FBLN5: variants seen among roughly 807,000 people sequenced by gnomAD.
FBLN5 encodes fibulin 5.
In FBLN5, 24 loss-of-function variants were observed where a neutral mutation model predicts 61.6. The ratio of observed to expected loss-of-function variants is 0.39; its 90% CI spans 0.28 to 0.55. The LOEUF (loss-of-function observed/expected upper bound fraction) is 0.55, where lower values mean the gene tolerates loss of function less well. Among genes scored for constraint, FBLN5 ranks in the 20% least tolerant of loss-of-function variants. The pLI is 0.65. For missense variants in FBLN5, 470 were observed against 594.1 expected, an observed-to-expected ratio of 0.79 and a Z score of 2.17; for synonymous variants, 213 against 219.8, an observed-to-expected ratio of 0.97 and a Z score of 0.27.
At chr14:91,900,116 C>A (rs1890392595) in intron 4 of FBLN5, among the ~76,000 whole-genome samples, 1 of 152,192 alleles carries the variant, frequency 6.6e-6, no homozygotes, top group Non-Finnish European at 1.5e-5. Flanking sequence ...GATTTATGCC[C>A]ATTTTATGTC....
chr14:91,873,603 G>C (rs1889036710), intron 10 of FBLN5: 1 of 152,370 alleles, frequency 6.6e-6, no homozygotes, highest in Non-Finnish European at 1.5e-5. Context: ...CCAGGGCAGA[G>C]ACCACATCCT....
intron 4 of FBLN5, among the ~76,000 whole-genome samples, chr14:91,921,903 A>C (rs2055742081): frequency 6.6e-6 from 1 of 152,232 alleles, no homozygotes; most frequent in Admixed American, 6.5e-5. Flanking sequence ...ACGTCGTGGG[A>C]TGGCCTAAAA....
chr14:91,931,366 G>A (rs1390958872), intron 4 of FBLN5, among the ~76,000 whole-genome samples: 9 of 152,154 alleles, frequency 5.9e-5, no homozygotes. Flanking sequence ...CCCCCTCGGT[G>A]CCTAGGCCAG....
chr14:91,910,363 G>A (rs111537199), intron 4 of FBLN5, among the ~76,000 whole-genome samples: 5 of 152,258 alleles, frequency 3.3e-5, no homozygotes, highest in African/African-American at 9.6e-5. Flanking sequence ...TGGTTATCAC[G>A]GGCTAGAGAG....
Position 91,937,246 on chromosome 14 carries a change from C to G in FBLN5, c.125-45G>C, listed in dbSNP as rs60910640. On this transcript the variant is annotated intron_variant, in intron 3 of 10. Transcript: ENST00000342058. ...CGAGCATTAGTGGCACCCCAACTGC[C>G]TTGTGTCCGGTGCATATTTAAGCAG... The G allele has an allele frequency of 0.011, 17,773 of 1,612,740 alleles. 376 individuals carry two copies. Among genetic ancestry groups the G allele is most frequent in the East Asian group, 0.088 (3,954 of 44,858 alleles).
intron 4 of FBLN5, among the ~76,000 whole-genome samples, chr14:91,925,528 A>C (rs1478044372): frequency 6.6e-6 from 1 of 152,136 alleles, no homozygotes; most frequent in Admixed American, 6.5e-5. Flanking sequence ...CATGTAATAC[A>C]ATTGAGTGGT....
intron 10 of FBLN5, among the ~76,000 whole-genome samples, chr14:91,875,875 C>G (rs1430410336): frequency 6.6e-6 from 1 of 152,194 alleles, no homozygotes; most frequent in Non-Finnish European, 1.5e-5. Context: ...ATGAGACAAT[C>G]CAATAGAAAT....
intron 4 of FBLN5, among the ~76,000 whole-genome samples, chr14:91,917,507 T>G (rs185072216): frequency 1.2e-4 from 15 of 128,206 alleles, no homozygotes; most frequent in Non-Finnish European, 7.7e-5. Context: ...ATGCGGGAGG[T>G]AGAGGTTGCA....
intron 6 of FBLN5, among the ~76,000 whole-genome samples, chr14:91,888,842 T>C (rs1400980785): frequency 6.6e-6 from 1 of 152,094 alleles, no homozygotes; most frequent in Non-Finnish European, 1.5e-5. Context: ...CTGGCATTGG[T>C]TGACCCATTG....
intron 10 of FBLN5, among the ~76,000 whole-genome samples, chr14:91,872,289 G>A (rs1018572068): frequency 1.3e-5 from 2 of 152,186 alleles, no homozygotes; most frequent in African/African-American, 4.8e-5. Flanking sequence ...AGAAGAGGCT[G>A]ATGTGTGTTT....
chr14:91,938,908 TG>T (rs2056063323), intron 3 of FBLN5, among the ~76,000 whole-genome samples: 2 of 152,278 alleles, frequency 1.3e-5, no homozygotes, highest in African/African-American at 4.8e-5. Flanking sequence ...ATCGCTGAAA[TG>T]GGGGGCCAGA....
intron 6 of FBLN5, among the ~76,000 whole-genome samples, chr14:91,889,753 G>A (rs1300198493): frequency 6.6e-6 from 1 of 152,258 alleles, no homozygotes; most frequent in African/African-American, 2.4e-5. Flanking sequence ...TGCTGATGCA[G>A]CATCCCAGTG....
chr14:91,925,096 G>A (rs1457862403), intron 4 of FBLN5, among the ~76,000 whole-genome samples: 2 of 151,800 alleles, frequency 1.3e-5, no homozygotes, highest in African/African-American at 2.4e-5. Flanking sequence ...CCTGGGGGAC[G>A]TGTTAAGACC....
At chr14:91,880,146 G>A (rs572846509) in intron 9 of FBLN5, among the ~76,000 whole-genome samples, 14 of 152,236 alleles carry the variant, frequency 9.2e-5, no homozygotes, top group Middle Eastern at 3.4e-3. Flanking sequence ...TAGCACCAAC[G>A]AGAGAACTCT....
At chr14:91,946,814 G>C in intron 1 of FBLN5, 2 of 1,532,588 alleles carry the variant, frequency 1.3e-6, no homozygotes, top group Non-Finnish European at 1.7e-6. Flanking sequence ...CAGCTAGCCT[G>C]TCTGCTTGTC....
Position 91,871,449 on chromosome 14 carries a change from C to T in FBLN5, c.1186-1064G>A, listed in dbSNP as rs141962636. ...AATTTCGCGTGAACTCTCTCCTCCA[C>T]TGAGTCTTTTTCTAAAACTTTCAAG... is the stretch of plus-strand genomic sequence containing the variant. On this transcript the variant is annotated intron_variant, in intron 10 of 10. Transcript: ENST00000342058. Among the ~76,000 whole-genome samples the T allele has an allele frequency of 1.8e-4, 27 of 152,298 alleles. No homozygotes were observed. The East Asian group carries it at 5.2e-3, about 29-fold the overall frequency.
Position 91,870,337 on chromosome 14 carries a change from C to T in FBLN5, c.1234G>A (p.Gly412Arg). Residue 412 changes from glycine to arginine, a missense_variant, in exon 11 of 11, where the codon GGG becomes AGG. Gly to Arg is a moderately radical substitution (Grantham distance 125, BLOSUM62 -2). Coordinates refer to ENST00000342058, the MANE Select transcript of FBLN5 (RefSeq NM_006329.4). ...ATLVMTRPIK[G>R]PREIQLDLEM... ...AAGTCCAGCTGGATTTCCCGGGGCC[C>T]TTTGATGGGGCGTGTCATCACCAGG... The T allele has an allele frequency of 1.9e-6, 3 of 1,614,196 alleles. No homozygotes were observed. Among genetic ancestry groups the T allele is most frequent in the South Asian group, 2.2e-5 (2 of 91,084 alleles).
chr14:91,913,571 G>A (rs1891053932), intron 4 of FBLN5, among the ~76,000 whole-genome samples: 1 of 152,210 alleles, frequency 6.6e-6, no homozygotes, highest in Non-Finnish European at 1.5e-5. Flanking sequence ...TATATTTCCA[G>A]TGCCCATTTG....
chr14:91,924,901 C>T (rs2055802325), intron 4 of FBLN5, among the ~76,000 whole-genome samples: 1 of 152,120 alleles, frequency 6.6e-6, no homozygotes, highest in African/African-American at 2.4e-5. Context: ...AGCTCAGATG[C>T]AGAAAACAGA....
Sources: gnomAD v4.1 joint callset for allele counts (sites outside exome capture counted in the v4.1 genomes callset) on GRCh38, gnomAD v4.1.1 for gene constraint, MANE v1.5 for transcripts, NCBI Gene and HGNC (gene_info 2026-07-23, HGNC 2026-07-21) for gene names.